ANK1: variants seen among roughly 807,000 people sequenced by gnomAD.
ANK1 encodes ankyrin-1.
ANK1 carries 51 observed loss-of-function variants against 210.4 expected under a neutral mutation model. The observed-to-expected ratio is 0.24, with a 90% CI of 0.19 to 0.31. The LOEUF (loss-of-function observed/expected upper bound fraction) is 0.31. ANK1 is among the 10% of genes least tolerant of loss of function. The pLI is 1.00. For synonymous variants in ANK1, 967 were observed against 1,025.9 expected (o/e 0.94, Z 1.10); for missense variants, 2,051 against 2,504.4 (o/e 0.82, Z 3.86).
chr8:41,667,419 T>C (rs2150555110), intron 39 of ANK1, among the ~76,000 whole-genome samples: 1 of 152,188 alleles, frequency 6.6e-6, no homozygotes, highest in Non-Finnish European at 1.5e-5. Context: ...CACACGCATG[T>C]GGAGAACAGT....
At chr8:41,772,762 G>T (rs555929318) in intron 1 of ANK1, among the ~76,000 whole-genome samples, 1 of 152,198 alleles carries the variant, frequency 6.6e-6, no homozygotes, top group South Asian at 2.1e-4. Context: ...CAGCTGACCC[G>T]TTGGGCTCTC....
Position 41,724,522 on chromosome 8 carries a change from G to A in ANK1, c.645C>T (p.His215=), listed in dbSNP as rs1293735626. 2 of 1,600,912 alleles carry A rather than the reference G, an allele frequency of 1.2e-6. No homozygotes were observed. Among genetic ancestry groups the A allele is most frequent in the Middle Eastern group, 1.7e-4 (1 of 5,950 alleles). ...ACTGGGCCACGTTGAGGTTCTCGTA[G>A]TGAGCCGCAATGTGCAGGGGCGTGA... The part of the protein sequence containing the change: ...TGFTPLHIAA[H]YENLNVAQLL... The change falls in exon 7 of 43, where the codon CAC becomes CAT. Residue 215 remains histidine (H), a synonymous_variant. Transcript: ENST00000289734.
intron 1 of ANK1, among the ~76,000 whole-genome samples, chr8:41,769,326 C>G (rs1009297938): frequency 2.0e-5 from 3 of 152,198 alleles, no homozygotes; most frequent in South Asian, 2.1e-4. Flanking sequence ...CTGCTAAAGC[C>G]CAGCTCACCC....
chr8:41,893,389 A>G (rs1819809970), intron 1 of ANK1, among the ~76,000 whole-genome samples: 1 of 152,230 alleles, frequency 6.6e-6, no homozygotes, highest in Admixed American at 6.5e-5. Context: ...CCCCATGAGA[A>G]GCAGGCATTG....
chr8:41,672,440 C>T lies in ANK1; in HGVS notation c.5010G>A (p.Val1670=). The T allele has an allele frequency of 6.2e-7, 1 of 1,614,228 alleles. No homozygotes were observed. The highest frequency in any genetic ancestry group is 8.5e-7 in the Non-Finnish European group (1 of 1,180,036). ...CCCTCTGATGGCCTGAAACAAGAGA[C>T]ACTTCATTCTCTGAGTCCTGCCCTG... is the stretch of plus-strand genomic sequence containing the variant. ...TGAGQDSENE[V]SLVSGHQRGQ... Residue 1670 remains valine, a synonymous_variant, in exon 38 of 43, where the codon GTG becomes GTA. Coordinates refer to ENST00000289734, the MANE Select transcript of ANK1 (RefSeq NM_000037.4).
chr8:41,763,869 C>CTTTCTTTT (rs1563702902), intron 1 of ANK1, among the ~76,000 whole-genome samples: 7 of 91,456 alleles, frequency 7.7e-5, no homozygotes, highest in African/African-American at 1.6e-4. Context: ...TTTCTTTCTT[C>CTTTCTTTT]TTTCTTTTTT....
intron 1 of ANK1, among the ~76,000 whole-genome samples, chr8:41,861,813 C>A (rs1282438043): frequency 3.3e-5 from 5 of 152,234 alleles, no homozygotes; most frequent in Admixed American, 3.3e-4. Context: ...CGCACCCCTG[C>A]GTTCCTTGCT....
At chr8:41,769,496 T>C (rs1842575936) in intron 1 of ANK1, among the ~76,000 whole-genome samples, 1 of 152,226 alleles carries the variant, frequency 6.6e-6, no homozygotes. Flanking sequence ...CCAACATTAA[T>C]ATTTAGAGAG....
At chr8:41,828,409 A>C in intron 1 of ANK1, 1 of 154,552 alleles carries the variant, frequency 6.5e-6, no homozygotes, top group Middle Eastern at 5.2e-4. Context: ...TCCAGCTTCC[A>C]AGCTGCACAG....
intron 14 of ANK1, 135 bp from the exon 15 acceptor site, chr8:41,715,209 C>A (rs1827292860): frequency 2.5e-6 from 2 of 814,300 alleles, no homozygotes; most frequent in Non-Finnish European, 4.0e-6. Flanking sequence ...CATTTTTGAG[C>A]CCTCTGGGAG....
intron 36 of ANK1, 110 bp from the exon 37 acceptor site, chr8:41,684,800 A>C: frequency 7.2e-7 from 1 of 1,394,354 alleles, no homozygotes; most frequent in South Asian, 1.2e-5. Flanking sequence ...AATTTTTTTC[A>C]GAAGGTGGAG....
intron 2 of ANK1, among the ~76,000 whole-genome samples, chr8:41,745,407 T>C (rs962879751): frequency 6.6e-6 from 1 of 152,176 alleles, no homozygotes; most frequent in African/African-American, 2.4e-5. Context: ...TATAGACAGA[T>C]GAACAGGGAC....
chr8:41,699,342 G>C, intron 23 of ANK1, 110 bp downstream of exon 23: 1 of 1,016,742 alleles, frequency 9.8e-7, no homozygotes, highest in Non-Finnish European at 1.5e-6. Flanking sequence ...TCTGCGGGCA[G>C]CGAGCCCAGC....
At chr8:41,838,704 G>A (rs957409420) in intron 1 of ANK1, among the ~76,000 whole-genome samples, 1 of 151,910 alleles carries the variant, frequency 6.6e-6, no homozygotes, top group Non-Finnish European at 1.5e-5. Context: ...GGCAGAGGCT[G>A]CGGTGAGCCT....
At chr8:41,852,535 G>A (rs1021171596) in intron 1 of ANK1, among the ~76,000 whole-genome samples, 5 of 152,210 alleles carry the variant, frequency 3.3e-5, no homozygotes, top group South Asian at 4.1e-4. Context: ...AAGTGGCCAC[G>A]GTTTGGCAGA....
chr8:41,728,471 C>T (rs28667028), intron 3 of ANK1, among the ~76,000 whole-genome samples: 99 of 152,268 alleles, frequency 6.5e-4, no homozygotes, highest in Middle Eastern at 3.4e-3. Context: ...GCCCACTCTT[C>T]GGGTGATGGC....
At chr8:41,876,271 C>G (rs1389980174) in intron 1 of ANK1, among the ~76,000 whole-genome samples, 1 of 152,200 alleles carries the variant, frequency 6.6e-6, no homozygotes, top group Admixed American at 6.5e-5. Context: ...GGCACCCTGG[C>G]ACCGACCGCC....
chr8:41,696,302 A>C, intron 26 of ANK1, 61 bp downstream of exon 26: 1 of 1,572,114 alleles, frequency 6.4e-7, no homozygotes, highest in Non-Finnish European at 8.7e-7. Flanking sequence ...GACAGATGGA[A>C]ATGGCGTGGC....
intron 1 of ANK1, among the ~76,000 whole-genome samples, chr8:41,764,872 C>A (rs1180655747): frequency 1.3e-5 from 2 of 152,220 alleles, no homozygotes; most frequent in Non-Finnish European, 2.9e-5. Context: ...TTAATTCACT[C>A]CCTCCTCAGA....
Sources: allele counts gnomAD v4.1 joint callset (sites outside exome capture counted in the v4.1 genomes callset), GRCh38; gene constraint gnomAD v4.1.1; transcripts MANE v1.5; gene names NCBI Gene and HGNC (gene_info 2026-07-23, HGNC 2026-07-21).